ZFAT: variants seen among roughly 807,000 people sequenced by gnomAD.
ZFAT encodes the protein zinc finger and AT-hook domain containing, also known as zinc finger protein ZFAT.
Under a neutral mutation model 117.7 loss-of-function variants are expected in ZFAT, and 64 were observed. The observed-to-expected ratio is 0.54, with a 90% CI of 0.44 to 0.67. ZFAT has a LOEUF of 0.67. ZFAT is among the 30% of genes least tolerant of loss of function. ZFAT has a pLI of 0.00. For synonymous variants in ZFAT, 679 were observed against 615.0 expected, an observed-to-expected ratio of 1.10 and a Z score of -1.54; for missense variants, 1,433 against 1,584.5, an observed-to-expected ratio of 0.90 and a Z score of 1.62.
chr8:134,604,778 TA>T (rs1827760322), intron 5 of ZFAT, among the ~76,000 whole-genome samples: 1 of 152,184 alleles, frequency 6.6e-6, no homozygotes, highest in South Asian at 2.1e-4. Context: ...ATGATGTAAT[TA>T]CAATATTTAA....
At chr8:134,809,210 C>T in the ZFAT span, among the ~76,000 whole-genome samples, 12 of 152,230 alleles carry the variant, frequency 7.9e-5, no homozygotes, top group Admixed American at 3.3e-4. Flanking sequence ...GCAGCGTCAG[C>T]ATGGCTTAGG....
At position 134,637,495 on chromosome 8, in the gene ZFAT, G is replaced by A. The variant is rs200807830; in HGVS notation, c.414C>T (p.Ile138=). The part of the protein sequence containing the change: ...TRQLRKHICI[I]VLNLGEEEGE... The stretch of plus-strand genomic sequence containing the variant: ...CTTCCTCCTCACCCAAATTCAGCAC[G>A]ATAATGCAGATGTGCTTCCGCAGCT... Residue 138 remains isoleucine (I), a synonymous_variant, in exon 3 of 16, where the codon ATC becomes ATT. Transcript: ENST00000377838. 27 of 1,613,572 alleles carry A rather than the reference G, an allele frequency of 1.7e-5. No homozygotes were observed. The highest frequency in any genetic ancestry group is 2.2e-5 in the East Asian group (1 of 44,860).
At chr8:134,484,466 T>C (rs979107873) in intron 15 of ZFAT, among the ~76,000 whole-genome samples, 1 of 152,154 alleles carries the variant, frequency 6.6e-6, no homozygotes, top group African/African-American at 2.4e-5. Flanking sequence ...CCCCAGATGA[T>C]CTGAAAGTAG....
intron 10 of ZFAT, among the ~76,000 whole-genome samples, chr8:134,573,426 T>C (rs1190552047): frequency 1.3e-5 from 2 of 152,212 alleles, no homozygotes; most frequent in Non-Finnish European, 2.9e-5. Context: ...GAAGACTGTA[T>C]GGCAGTTTGT....
At chr8:134,507,796 C>T (rs983853084) in intron 15 of ZFAT, among the ~76,000 whole-genome samples, 9 of 152,198 alleles carry the variant, frequency 5.9e-5, no homozygotes, top group Non-Finnish European at 1.3e-4. Flanking sequence ...CAACCAGAAG[C>T]ACCTTCCTGC....
At chr8:134,552,209 C>T (rs1456839448) in intron 11 of ZFAT, among the ~76,000 whole-genome samples, 4 of 144,026 alleles carry the variant, frequency 2.8e-5, no homozygotes, top group East Asian at 2.2e-4. Flanking sequence ...ATCCTCTGCC[C>T]CTGTCATGGT....
intron 2 of ZFAT, among the ~76,000 whole-genome samples, chr8:134,638,901 CTGGCAGAGGAG>C (rs138737897): frequency 0.012 from 1,754 of 152,216 alleles, 33 homozygotes; most frequent in African/African-American, 0.04. Flanking sequence ...AGTCATCTGT[CTGGCAGAGGAG>C]TGGCACTTCA....
intron 1 of ZFAT, among the ~76,000 whole-genome samples, chr8:134,677,119 AC>A (rs1318309470): frequency 7.1e-6 from 1 of 141,482 alleles, no homozygotes; most frequent in Non-Finnish European, 1.6e-5. Context: ...AGATAGAGAT[AC>A]GAAAAACCCT....
At chr8:134,482,240 C>T (rs1817365491) in intron 15 of ZFAT, among the ~76,000 whole-genome samples, 2 of 152,162 alleles carry the variant, frequency 1.3e-5, no homozygotes, top group African/African-American at 2.4e-5. Context: ...CCAGATCATA[C>T]CTCCGTCTGC....
chr8:134,655,057 G>A (rs1281156620), intron 2 of ZFAT, among the ~76,000 whole-genome samples: 1 of 152,170 alleles, frequency 6.6e-6, no homozygotes, highest in African/African-American at 2.4e-5. Flanking sequence ...ACCTGCAAGG[G>A]GCTTCCCAGG....
At chr8:134,735,806 C>T in the ZFAT span, among the ~76,000 whole-genome samples, 135 of 152,272 alleles carry the variant, frequency 8.9e-4, 1 homozygote, top group Middle Eastern at 3.4e-3. Context: ...CCAAGCAAAG[C>T]TGACCCTATG....
the ZFAT span, chr8:134,784,726 C>T: frequency 3.3e-5 from 5 of 151,756 alleles, no homozygotes; most frequent in Admixed American, 1.3e-4. Context: ...TGAATATTGA[C>T]GTTATGAAAA....
chr8:134,608,595 A>G, intron 5 of ZFAT, 134 bp downstream of exon 5: 1 of 1,088,734 alleles, frequency 9.2e-7, no homozygotes, highest in East Asian at 2.8e-5. Context: ...CTGCTGAATC[A>G]AGGAGTCAGT....
chr8:134,680,770 A>G (rs1833036943), intron 1 of ZFAT, among the ~76,000 whole-genome samples: 2 of 152,224 alleles, frequency 1.3e-5, no homozygotes, highest in Admixed American at 6.5e-5. Flanking sequence ...ACATAATACT[A>G]ACGTACCTGA....
the ZFAT span, among the ~76,000 whole-genome samples, chr8:134,825,841 A>G: frequency 6.6e-6 from 1 of 152,170 alleles, no homozygotes; most frequent in African/African-American, 2.4e-5. Context: ...TAACATGGCG[A>G]AACCCCTTCT....
chr8:134,682,626 T>C (rs1035888519), intron 1 of ZFAT, among the ~76,000 whole-genome samples: 3 of 152,184 alleles, frequency 2.0e-5, no homozygotes, highest in Admixed American at 2.0e-4. Context: ...TTGCACTCCA[T>C]TGTGGGTGAC....
chr8:134,722,058 G>A, the ZFAT span, among the ~76,000 whole-genome samples: 13 of 152,336 alleles, frequency 8.5e-5, no homozygotes, highest in East Asian at 9.6e-4. Flanking sequence ...GCACAGGTGA[G>A]GCCACAGGAT....
chr8:134,551,742 C>T lies in ZFAT; in HGVS notation c.2976+13591G>A, dbSNP rs78717669. Among the ~76,000 whole-genome samples the T allele has an allele frequency of 5.4e-3, 819 of 152,268 alleles. 6 individuals carry two copies. The highest frequency in any genetic ancestry group is 0.019 in the African/African-American group (782 of 41,544). ...TTACACAGCCACATCCTCGGCTGAC[C>T]TCATCCAAACATCACCTTTGTTCAA... On this transcript the variant is annotated intron_variant, in intron 11 of 15. Coordinates refer to ENST00000377838, the MANE Select transcript of ZFAT (RefSeq NM_020863.4).
At chr8:134,663,330 G>A (rs1441353376) in intron 1 of ZFAT, among the ~76,000 whole-genome samples, 1 of 152,082 alleles carries the variant, frequency 6.6e-6, no homozygotes, top group Admixed American at 6.6e-5. Flanking sequence ...TTTAAAGAAT[G>A]GAATACTCAG....
Sources: allele counts gnomAD v4.1 joint callset (sites outside exome capture counted in the v4.1 genomes callset), GRCh38; gene constraint gnomAD v4.1.1; transcripts MANE v1.5; gene names NCBI Gene and HGNC (gene_info 2026-07-23, HGNC 2026-07-21).